The following LPA variants were observed in gnomAD, a reference collection of about 807,000 sequenced individuals.
LPA encodes lipoprotein(a).
In LPA, 199 loss-of-function variants were observed where a neutral mutation model predicts 197.9. That is an observed-to-expected ratio of 1.01 (90% confidence interval 0.90 to 1.13). The LOEUF (loss-of-function observed/expected upper bound fraction) is 1.13, where lower values mean the gene tolerates loss of function less well. Among genes scored for constraint, LPA ranks in the 50% most tolerant of loss-of-function variants. LPA has a pLI of 0.00. For missense variants in LPA, 1,853 were observed against 1,785.8 expected, an observed-to-expected ratio of 1.04 and a Z score of -0.68; for synonymous variants, 715 against 639.5, an observed-to-expected ratio of 1.12 and a Z score of -1.78.
intron 24 of LPA, among the ~76,000 whole-genome samples, chr6:160,587,795 G>T (rs61120739): frequency 0.18 from 25,002 of 137,570 alleles, 2,358 homozygotes; most frequent in East Asian, 0.32. Context: ...GTGTGTGTGT[G>T]TGTGTTTCTG....
chr6:160,637,241 GT>G (rs1168840207), intron 6 of LPA, among the ~76,000 whole-genome samples: 3 of 19,658 alleles, frequency 1.5e-4, no homozygotes, highest in Admixed American at 6.6e-4. Context: ...TACAGGTTGG[GT>G]TTTTTTTCCG....
chr6:160,649,953 C>A (rs2115098097), intron 2 of LPA, among the ~76,000 whole-genome samples: 1 of 152,276 alleles, frequency 6.6e-6, no homozygotes, highest in African/African-American at 2.4e-5. Flanking sequence ...ATATCATTTA[C>A]TTGTGAGCCA....
At chr6:160,565,804 C>T (rs1429608701) in intron 28 of LPA, among the ~76,000 whole-genome samples, 3 of 152,100 alleles carry the variant, frequency 2.0e-5, no homozygotes, top group Non-Finnish European at 4.4e-5. Context: ...GAATGGCAGA[C>T]TAAAATAAAC....
Position 160,595,430 on chromosome 6 carries a change from G to A in LPA, c.3393C>T (p.Cys1131=), listed in dbSNP as rs758509383. 1.9e-6 allele frequency: 3 copies of A among 1,613,684 alleles called. No individual in the cohort carries two copies. The highest frequency in any genetic ancestry group is 1.7e-4 in the Middle Eastern group (1 of 6,060). Residue 1131 remains cysteine, a synonymous_variant, in exon 21 of 39, where the codon TGC becomes TGT. Transcript: ENST00000316300. ...VRWEYCNLTQ[C]LVTESSVLAT... Reference sequence around the variant, plus strand: ...CAAGGACACTTGATTCTGTCACCAGGCATTGTGTCAGGTTGCAGTACTCCC... The same window carrying A: ...CAAGGACACTTGATTCTGTCACCAGACATTGTGTCAGGTTGCAGTACTCCC...
At chr6:160,610,339 G>C (rs897648469) in intron 16 of LPA, among the ~76,000 whole-genome samples, 8 of 152,104 alleles carry the variant, frequency 5.3e-5, no homozygotes, top group African/African-American at 1.4e-4. Context: ...TGTGCAAGGG[G>C]TTGTCTGCAG....
intron 28 of LPA, among the ~76,000 whole-genome samples, chr6:160,574,673 A>T (rs1487380059): frequency 6.6e-6 from 1 of 152,136 alleles, no homozygotes; most frequent in Non-Finnish European, 1.5e-5. Context: ...ACAGACTTTC[A>T]GCTTCTCCAG....
In LPA at chr6:160,576,361, T is replaced by TACAC. The variant is rs1562327885; in HGVS notation, c.4631+774_4631+775insGTGT. Among the ~76,000 whole-genome samples, 103 of 38,894 alleles carry TACAC rather than the reference T, an allele frequency of 2.6e-3. 1 individual carries two copies. Among genetic ancestry groups the TACAC allele is most frequent in the Admixed American group, 0.013 (34 of 2,632 alleles). The allele number at this position is 38,894 out of a possible 152,430, so 25.5% of individuals were successfully genotyped here. On this transcript the variant is annotated intron_variant, in intron 28 of 38. Coordinates refer to ENST00000316300, the MANE Select transcript of LPA (RefSeq NM_005577.4). ...GTGTGTATATATATATATATATATA[T>TACAC]ATATACATATATATATATATATATA...
At chr6:160,578,208 T>A (rs1778721093) in intron 27 of LPA, among the ~76,000 whole-genome samples, 1 of 152,172 alleles carries the variant, frequency 6.6e-6, no homozygotes, top group South Asian at 2.1e-4. Flanking sequence ...TCTTCACATA[T>A]TTGGCAGGCT....
intron 28 of LPA, among the ~76,000 whole-genome samples, chr6:160,575,985 T>A (rs942072388): frequency 2.6e-5 from 4 of 152,258 alleles, no homozygotes; most frequent in African/African-American, 7.2e-5. Flanking sequence ...TGTGGTCTTC[T>A]TGGGCTCCAT....
intron 18 of LPA, among the ~76,000 whole-genome samples, chr6:160,602,881 G>A (rs1054897925): frequency 6.6e-6 from 1 of 151,814 alleles, no homozygotes; most frequent in South Asian, 2.1e-4. Context: ...TTGTATCACT[G>A]TTCTTCTAGC....
At chr6:160,610,715 C>A (rs1406248135) in intron 16 of LPA, among the ~76,000 whole-genome samples, 2 of 152,130 alleles carry the variant, frequency 1.3e-5, no homozygotes, top group Admixed American at 6.5e-5. Flanking sequence ...ACTCCAATCC[C>A]TCTCCTCTGC....
chr6:160,590,752 C>T (rs1215180489), intron 23 of LPA, among the ~76,000 whole-genome samples, 192 bp downstream of exon 23: 1 of 152,132 alleles, frequency 6.6e-6, no homozygotes, highest in East Asian at 1.9e-4. Flanking sequence ...AAGACACCAC[C>T]CTGTCACGGG....
chr6:160,599,810 C>T (rs1480851170), intron 19 of LPA, 151 bp from the exon 20 acceptor site: 2 of 780,900 alleles, frequency 2.6e-6, no homozygotes, highest in East Asian at 2.7e-5. Context: ...AGAAAACACA[C>T]AAACAAACAC....
chr6:160,543,719 C>T (rs1778020456), intron 33 of LPA, among the ~76,000 whole-genome samples: 1 of 152,152 alleles, frequency 6.6e-6, no homozygotes, highest in African/African-American at 2.4e-5. Context: ...GAAATTATAC[C>T]CTACTCCTAC....
At chr6:160,581,855 ATCT>A (rs1244950769) in intron 26 of LPA, among the ~76,000 whole-genome samples, 16 of 152,186 alleles carry the variant, frequency 1.1e-4, no homozygotes, top group Non-Finnish European at 2.2e-4. Context: ...CTTTATTTAG[ATCT>A]TCTAATTTTC....
At chr6:160,583,423 G>A (rs1333191563) in intron 26 of LPA, among the ~76,000 whole-genome samples, 1 of 152,034 alleles carries the variant, frequency 6.6e-6, no homozygotes, top group Non-Finnish European at 1.5e-5. Flanking sequence ...TTTATTCTAG[G>A]AATGCATTAA....
At chr6:160,634,795 C>CTT (rs1562349066) in intron 7 of LPA, among the ~76,000 whole-genome samples, 96 of 145,092 alleles carry the variant, frequency 6.6e-4, no homozygotes, top group African/African-American at 2.4e-3. Context: ...AAGCTTACTG[C>CTT]GACAGAAAGA....
In LPA at chr6:160,589,565, T is replaced by C; in HGVS notation, c.3935A>G (p.Tyr1312Cys). The change falls in exon 24 of 39, where the codon TAC (tyrosine) becomes TGC (cysteine). Residue 1312 changes from tyrosine (Y) to cysteine (C), a missense_variant. By Grantham distance (194) the Tyr-to-Cys change is radical (BLOSUM62 -2). Transcript: ENST00000316300. ...TPHWHQRTTEYYPNGGLTRNY... is the reference protein window; with the variant it reads ...TPHWHQRTTECYPNGGLTRNY... ...CTCAAAGACATACCCATTTGGGTAG[T>C]ATTCTGTGGTTCTCTGATGCCAGTG... 1.2e-6 allele frequency: 2 copies of C among 1,613,806 alleles called. No homozygotes were observed. The highest frequency in any genetic ancestry group is 8.5e-7 in the Non-Finnish European group (1 of 1,179,822).
At chr6:160,591,305 C>T (rs1779025416) in intron 22 of LPA, among the ~76,000 whole-genome samples, 1 of 152,172 alleles carries the variant, frequency 6.6e-6, no homozygotes, top group Non-Finnish European at 1.5e-5. Context: ...TATTGTAACA[C>T]ATCCAAACTC....
Sources: allele counts gnomAD v4.1 joint callset (sites outside exome capture counted in the v4.1 genomes callset), GRCh38; gene constraint gnomAD v4.1.1; transcripts MANE v1.5; gene names NCBI Gene and HGNC (gene_info 2026-07-23, HGNC 2026-07-21).